The following STIM2 variants were observed in gnomAD, a reference collection of about 807,000 sequenced individuals.
STIM2 encodes stromal interaction molecule 2.
A neutral mutation model predicts 85.8 loss-of-function variants in STIM2; 31 were observed. That is an observed-to-expected ratio of 0.36 (90% CI 0.27 to 0.49). The LOEUF (loss-of-function observed/expected upper bound fraction) is 0.49. Among genes scored for constraint, STIM2 ranks in the 20% least tolerant of loss-of-function variants. STIM2 has a pLI of 0.98. For missense variants in STIM2, 841 were observed against 927.6 expected (o/e 0.91, Z 1.21); for synonymous variants, 356 against 331.1 (o/e 1.08, Z -0.82).
At chr4:26,919,820 C>G (rs1178054174) in intron 2 of STIM2, among the ~76,000 whole-genome samples, 186 bp downstream of exon 2, 1 of 152,034 alleles carries the variant, frequency 6.6e-6, no homozygotes, top group Non-Finnish European at 1.5e-5. Context: ...TTTTTCCCCC[C>G]ATTTGGATAT....
chr4:26,871,814 G>A (rs1466070394), intron 1 of STIM2, among the ~76,000 whole-genome samples: 1 of 150,352 alleles, frequency 6.7e-6, no homozygotes, highest in Non-Finnish European at 1.5e-5. Context: ...AAAGTAATTA[G>A]ATTATGAGTG....
chr4:26,919,857 T>A (rs576593846), intron 2 of STIM2, among the ~76,000 whole-genome samples: 3 of 152,210 alleles, frequency 2.0e-5, no homozygotes, highest in Non-Finnish European at 4.4e-5. Flanking sequence ...ATAAAAATTT[T>A]CCATCTCATG....
Position 26,919,274 on chromosome 4 carries a change from C to T in STIM2, c.152-230C>T, listed in dbSNP as rs537715335. Among the ~76,000 whole-genome samples the T allele has an allele frequency of 5.9e-5, 9 of 152,148 alleles. No homozygotes were observed. In the South Asian group the frequency reaches 6.2e-4, roughly 11 times the overall value. On this transcript the variant is annotated intron_variant, in intron 1 of 11. Coordinates refer to ENST00000467087, the MANE Select transcript of STIM2 (RefSeq NM_020860.4). Reference sequence around the variant, plus strand: ...TAACCTGAAGTTAGTACTGACATAACTCCTGGTTGTAGTTGCCTGATGTTA... The same window carrying T: ...TAACCTGAAGTTAGTACTGACATAATTCCTGGTTGTAGTTGCCTGATGTTA...
intron 1 of STIM2, among the ~76,000 whole-genome samples, chr4:26,910,403 A>T (rs138831977): frequency 1.3e-5 from 2 of 152,234 alleles, no homozygotes; most frequent in African/African-American, 4.8e-5. Flanking sequence ...GAGCGCCTGT[A>T]ATTCCAGTTA....
chr4:26,902,896 T>C (rs533401044), intron 1 of STIM2, among the ~76,000 whole-genome samples: 1 of 152,274 alleles, frequency 6.6e-6, no homozygotes, highest in African/African-American at 2.4e-5. Flanking sequence ...AATAAAAGTT[T>C]GTGATAGTAT....
chr4:26,898,210 AT>A (rs1277256047), intron 1 of STIM2, among the ~76,000 whole-genome samples: 1 of 152,188 alleles, frequency 6.6e-6, no homozygotes, highest in Non-Finnish European at 1.5e-5. Flanking sequence ...GATTTGGCTG[AT>A]TCCTTCCTTA....
At chr4:26,904,611 T>G (rs1346654222) in intron 1 of STIM2, among the ~76,000 whole-genome samples, 1 of 151,756 alleles carries the variant, frequency 6.6e-6, no homozygotes, top group African/African-American at 2.4e-5. Flanking sequence ...TTTGGTGGAG[T>G]GGTGAGAGCA....
At position 26,980,497 on chromosome 4, in the gene STIM2, C is replaced by A. The variant is rs139225778; in HGVS notation, c.398-14882C>A. 7.7e-3 allele frequency among the ~76,000 whole-genome samples: 1,156 copies of A among 150,386 alleles called. 8 individuals are homozygous for A. The highest frequency in any genetic ancestry group is 0.012 in the Non-Finnish European group (842 of 67,740). On this transcript the variant is annotated intron_variant, in intron 3 of 11. Transcript: ENST00000467087. Reference sequence around the variant, plus strand: ...AAAAAGGAAAAAGTTAAAACCAGTTCGTGCCTCTGGATCTGGGAAATCAAT... The same window carrying A: ...AAAAAGGAAAAAGTTAAAACCAGTTAGTGCCTCTGGATCTGGGAAATCAAT...
intron 3 of STIM2, among the ~76,000 whole-genome samples, chr4:26,962,784 TG>T (rs1726532463): frequency 6.6e-6 from 1 of 152,194 alleles, no homozygotes; most frequent in South Asian, 2.1e-4. Context: ...TGCAGGAAAT[TG>T]TACATAGAAA....
At chr4:26,946,085 A>G (rs565392584) in intron 2 of STIM2, among the ~76,000 whole-genome samples, 1 of 152,332 alleles carries the variant, frequency 6.6e-6, no homozygotes, top group South Asian at 2.1e-4. Context: ...ATATCCCAGA[A>G]ACAGAACTGT....
At chr4:26,935,397 T>TA (rs1456651401) in intron 2 of STIM2, among the ~76,000 whole-genome samples, 2 of 152,184 alleles carry the variant, frequency 1.3e-5, no homozygotes, top group Non-Finnish European at 2.9e-5. Flanking sequence ...AGAAGCAAGA[T>TA]ATTAAATAGA....
intron 3 of STIM2, 23 bp from the exon 4 acceptor site, chr4:26,995,356 C>A: frequency 2.3e-6 from 3 of 1,317,442 alleles, no homozygotes; most frequent in Non-Finnish European, 2.1e-6. Context: ...TTAAAATATG[C>A]ATTCCCCTTT....
chr4:26,894,343 C>T (rs1723614219), intron 1 of STIM2, among the ~76,000 whole-genome samples: 1 of 151,764 alleles, frequency 6.6e-6, no homozygotes, highest in African/African-American at 2.4e-5. Context: ...CTGGATTTTC[C>T]CTTTATAGTT....
At chr4:26,873,347 A>T (rs967386442) in intron 1 of STIM2, among the ~76,000 whole-genome samples, 7 of 151,884 alleles carry the variant, frequency 4.6e-5, no homozygotes, top group East Asian at 1.9e-4. Flanking sequence ...GTGAGCTGAG[A>T]TCGTGCCATT....
At chr4:26,973,334 G>T (rs146587782) in intron 3 of STIM2, among the ~76,000 whole-genome samples, 5,517 of 152,200 alleles carry the variant, frequency 0.036, 138 homozygotes, top group South Asian at 0.076. Flanking sequence ...TGATGTTAGG[G>T]TGTTGATTTT....
rs572088749 is a variant in STIM2, at chr4:27,009,001, C to T, written c.1488C>T (p.Pro496=). 1.0e-5 allele frequency: 16 copies of T among 1,607,598 alleles called. No individual in the cohort carries two copies. The highest frequency in any genetic ancestry group is 5.3e-5 in the African/African-American group (4 of 74,862). ...CACCCCCAATAGTGTCACAATTTCC[C>T]GGTAAGTGGCAATTTCAACAAAAAT... The change falls in exon 10 of 12, where the codon CCC becomes CCT. Residue 496 remains proline (P), a splice_region_variant and synonymous_variant. Coordinates refer to ENST00000467087, the MANE Select transcript of STIM2 (RefSeq NM_020860.4).
chr4:26,971,100 T>C (rs975523150), intron 3 of STIM2, among the ~76,000 whole-genome samples: 9 of 152,220 alleles, frequency 5.9e-5, no homozygotes, highest in Non-Finnish European at 1.2e-4. Flanking sequence ...GTTTGCTTTT[T>C]TCTTGTAAAT....
rs972794584 is a variant in STIM2, at chr4:27,004,221, T to G, written c.981+1117T>G. Among the ~76,000 whole-genome samples, 19 of 152,326 alleles carry G rather than the reference T, an allele frequency of 1.2e-4. 1 individual carries two copies. Among genetic ancestry groups the G allele is most frequent in the African/African-American group, 4.3e-4 (18 of 41,568 alleles). On this transcript the variant is annotated intron_variant, in intron 7 of 11. Transcript: ENST00000467087. Reference sequence around the variant, plus strand: ...ACACAGCCATCTTTTTTATAACTGTTAACCACTCCTTCTCTCACACCCCCA... The same window carrying G: ...ACACAGCCATCTTTTTTATAACTGTGAACCACTCCTTCTCTCACACCCCCA...
chr4:26,923,527 C>A (rs1468136100), intron 2 of STIM2, among the ~76,000 whole-genome samples: 2 of 140,842 alleles, frequency 1.4e-5, no homozygotes, highest in Non-Finnish European at 3.1e-5. Context: ...CTGAAGGAAG[C>A]GCTAAACATG....
Sources: allele counts gnomAD v4.1 joint callset (sites outside exome capture counted in the v4.1 genomes callset), GRCh38; gene constraint gnomAD v4.1.1; transcripts MANE v1.5; gene names NCBI Gene and HGNC (gene_info 2026-07-23, HGNC 2026-07-21).